KCMF1: variants seen among roughly 807,000 people sequenced by gnomAD.
KCMF1 encodes potassium channel modulatory factor 1, also known as E3 ubiquitin-protein ligase KCMF1.
KCMF1 carries 3 observed loss-of-function variants against 41.1 expected under a neutral mutation model. The ratio of observed to expected loss-of-function variants is 0.07; its 90% CI spans 0.03 to 0.19. KCMF1 has a LOEUF of 0.19. Among genes scored for constraint, KCMF1 ranks in the 10% least tolerant of loss-of-function variants. The pLI is 1.00. For synonymous variants in KCMF1, 142 were observed against 164.5 expected (o/e 0.86, Z 1.04); for missense variants, 286 against 488.9 (o/e 0.58, Z 3.91).
At position 85,051,431 on chromosome 2, in the gene KCMF1, C is replaced by CT. The variant is rs758695931; in HGVS notation, c.885-1706dup. Among the ~76,000 whole-genome samples, 405 of 147,568 alleles carry CT rather than the reference C, an allele frequency of 2.7e-3. 1 individual carries two copies. The highest frequency in any genetic ancestry group is 7.8e-3 in the African/African-American group (316 of 40,570). ...TCTTCCTACCCACCCTTGCCCTATC[C>CT]TTTTTTTTTTTAAGACCCAAACTAC... On this transcript the variant is annotated intron_variant, in intron 6 of 6. Coordinates refer to ENST00000409785, the MANE Select transcript of KCMF1 (RefSeq NM_020122.5).
intron 1 of KCMF1, among the ~76,000 whole-genome samples, chr2:84,986,212 G>T (rs1673896398): frequency 1.3e-5 from 2 of 152,108 alleles, no homozygotes; most frequent in South Asian, 4.1e-4. Flanking sequence ...TCCTCCTAAA[G>T]TATGTGGTAT....
intron 1 of KCMF1, among the ~76,000 whole-genome samples, chr2:85,005,292 A>AT (rs1298487027): frequency 6.0e-4 from 89 of 149,062 alleles, no homozygotes; most frequent in African/African-American, 1.8e-3. Flanking sequence ...TTATTTATTT[A>AT]TTTATTTTTT....
chr2:85,031,123 G>A (rs1675255717), intron 2 of KCMF1, among the ~76,000 whole-genome samples: 4 of 152,116 alleles, frequency 2.6e-5, no homozygotes, highest in African/African-American at 9.7e-5. Flanking sequence ...GGTATTCTGT[G>A]TCCGTTTCAT....
intron 3 of KCMF1, among the ~76,000 whole-genome samples, chr2:85,037,635 G>GT (rs1280253872): frequency 2.0e-5 from 3 of 151,978 alleles, no homozygotes; most frequent in Admixed American, 2.0e-4. Flanking sequence ...CATCATTTTG[G>GT]TTTAGGGGAT....
intron 1 of KCMF1, among the ~76,000 whole-genome samples, chr2:85,007,622 C>T (rs933137518): frequency 6.6e-6 from 1 of 152,194 alleles, no homozygotes; most frequent in Non-Finnish European, 1.5e-5. Flanking sequence ...ACTTCGACAT[C>T]ACTTGGGCAG....
intron 1 of KCMF1, among the ~76,000 whole-genome samples, chr2:85,010,951 C>A (rs993246622): frequency 6.6e-5 from 10 of 151,412 alleles, no homozygotes; most frequent in African/African-American, 2.4e-4. Context: ...TCAAGCAATT[C>A]TTCTTCCTCA....
In KCMF1 at chr2:85,041,761, C is replaced by CTTT. The variant is rs76025789; in HGVS notation, c.325-1783_325-1781dup. Reference sequence around the variant, plus strand: ...TTCTGTTTCTCCAAACATTGCTGGTCTTTTTTTTTTTTTTTTTTTTTTAAA... The same window carrying CTTT: ...TTCTGTTTCTCCAAACATTGCTGGTCTTTTTTTTTTTTTTTTTTTTTTTTTAAA... On this transcript the variant is annotated intron_variant, in intron 3 of 6. Coordinates refer to ENST00000409785, the MANE Select transcript of KCMF1 (RefSeq NM_020122.5). 2.3e-3 allele frequency among the ~76,000 whole-genome samples: 214 copies of CTTT among 91,914 alleles called. 1 individual carries two copies. Among genetic ancestry groups the CTTT allele is most frequent in the African/African-American group, 7.9e-3 (203 of 25,850 alleles). The allele number at this position is 91,914 out of a possible 152,430, so 60.3% of individuals were successfully genotyped here. A position where few individuals can be genotyped will look rare whatever the true frequency, so the allele number is the denominator to read the frequency against.
Position 84,983,246 on chromosome 2 carries a change from C to A in KCMF1, c.16+11779C>A, listed in dbSNP as rs77992709. On this transcript the variant is annotated intron_variant, in intron 1 of 6. Transcript: ENST00000409785. ...TGAAATTAATAATGAAATAACAACC[C>A]ACTATATCCAAAATACCATTTCAAC... 6.6e-5 allele frequency among the ~76,000 whole-genome samples: 10 copies of A among 152,236 alleles called. No homozygotes were observed. The East Asian group carries it at 1.9e-3, about 29-fold the overall frequency.
intron 4 of KCMF1, 133 bp downstream of exon 4, chr2:85,043,798 C>CTTCA: frequency 1.5e-6 from 1 of 677,294 alleles, no homozygotes; most frequent in Non-Finnish European, 2.7e-6. Context: ...GATCCTCCTG[C>CTTCA]TTCAGCCTCT....
chr2:84,982,389 CTT>C (rs34687477), intron 1 of KCMF1, among the ~76,000 whole-genome samples: 41 of 47,248 alleles, frequency 8.7e-4, no homozygotes, highest in East Asian at 1.6e-3. Context: ...TCCTTATTTT[CTT>C]TTTTTTTTTT....
intron 1 of KCMF1, among the ~76,000 whole-genome samples, chr2:84,972,639 G>T (rs960641028): frequency 1.3e-5 from 2 of 152,194 alleles, no homozygotes; most frequent in African/African-American, 4.8e-5. Flanking sequence ...AGTTTAGTGT[G>T]TGCTTAGCAC....
At position 85,054,851 on chromosome 2, in the gene KCMF1, T is replaced by G. The variant is rs1158515552; in HGVS notation, c.*1442T>G. ...CTCCTGTCATCCTTTTCCTTTCCTG[T>G]CCGTGTATCTCCGTTTCTTCAACAT... On this transcript the variant is annotated 3_prime_UTR_variant, in exon 7 of 7. Transcript: ENST00000409785. 2.0e-5 allele frequency: 3 copies of G among 152,204 alleles called. No individual in the cohort carries two copies. Among genetic ancestry groups the G allele is most frequent in the African/African-American group, 7.2e-5 (3 of 41,438 alleles). The allele number at this position is 152,204 out of a possible 1,614,324, so 9.4% of individuals were successfully genotyped here.
intron 1 of KCMF1, among the ~76,000 whole-genome samples, chr2:84,995,113 C>T (rs771559668): frequency 1.3e-5 from 2 of 151,958 alleles, no homozygotes; most frequent in African/African-American, 4.8e-5. Flanking sequence ...CCTCCGCCTC[C>T]TGGGTTCAAG....
intron 1 of KCMF1, among the ~76,000 whole-genome samples, chr2:84,984,266 T>G (rs1472428937): frequency 2.0e-5 from 3 of 151,858 alleles, no homozygotes; most frequent in Non-Finnish European, 2.9e-5. Context: ...TAGCCCACAC[T>G]CTATATATAT....
intron 1 of KCMF1, among the ~76,000 whole-genome samples, chr2:85,005,596 T>C (rs1023673909): frequency 6.6e-6 from 1 of 152,206 alleles, no homozygotes; most frequent in African/African-American, 2.4e-5. Flanking sequence ...GGCCTAACTT[T>C]TTTTATTTTT....
chr2:85,004,393 T>C (rs903147909), intron 1 of KCMF1, among the ~76,000 whole-genome samples: 1 of 151,912 alleles, frequency 6.6e-6, no homozygotes, highest in Non-Finnish European at 1.5e-5. Context: ...CACCTTGTAG[T>C]CCCAGCTACT....
intron 2 of KCMF1, among the ~76,000 whole-genome samples, chr2:85,032,822 G>A (rs1475696848): frequency 6.6e-6 from 1 of 152,186 alleles, no homozygotes; most frequent in Non-Finnish European, 1.5e-5. Context: ...GGCGCCAAGA[G>A]TTTTTTAGTG....
chr2:84,981,047 A>G (rs1164009361), intron 1 of KCMF1, among the ~76,000 whole-genome samples: 1 of 148,616 alleles, frequency 6.7e-6, no homozygotes, highest in Non-Finnish European at 1.5e-5. Context: ...CTGTAACTTA[A>G]TCACTGCTAC....
intron 1 of KCMF1, among the ~76,000 whole-genome samples, chr2:85,006,045 T>G (rs1674461592): frequency 3.9e-5 from 6 of 152,178 alleles, no homozygotes; most frequent in Admixed American, 3.3e-4. Context: ...ACATATCAGT[T>G]CCTATTTTTC....
Sources: allele counts gnomAD v4.1 joint callset (sites outside exome capture counted in the v4.1 genomes callset), GRCh38; gene constraint gnomAD v4.1.1; transcripts MANE v1.5; gene names NCBI Gene and HGNC (gene_info 2026-07-23, HGNC 2026-07-21).